LRBA: variants seen among roughly 807,000 people sequenced by gnomAD.
The protein encoded by LRBA is LPS responsive beige-like anchor protein.
A neutral mutation model predicts 330.0 loss-of-function variants in LRBA; 176 were observed. That is an observed-to-expected ratio of 0.53 (90% CI 0.47 to 0.60). The LOEUF (loss-of-function observed/expected upper bound fraction) is 0.60. Among genes scored for constraint, LRBA ranks in the 20% least tolerant of loss-of-function variants. LRBA has a pLI of 0.00. For synonymous variants in LRBA, 1,230 were observed against 1,193.0 expected (o/e 1.03, Z -0.64); for missense variants, 3,259 against 3,444.8 (o/e 0.95, Z 1.35).
intron 36 of LRBA, among the ~76,000 whole-genome samples, chr4:150,698,219 G>A (rs1306493311): frequency 1.3e-5 from 2 of 152,000 alleles, no homozygotes; most frequent in Non-Finnish European, 2.9e-5. Flanking sequence ...ACACTGTAAA[G>A]ATTTTTAATT....
At chr4:150,989,678 G>T (rs1038600994) in intron 2 of LRBA, among the ~76,000 whole-genome samples, 1 of 151,974 alleles carries the variant, frequency 6.6e-6, no homozygotes, top group Non-Finnish European at 1.5e-5. Flanking sequence ...AGAATCAAGA[G>T]GGTAAACTTA....
chr4:151,003,516 A>G lies in LRBA; in HGVS notation c.216+10911T>C, dbSNP rs1182664344. On this transcript the variant is annotated intron_variant, in intron 2 of 56. Transcript: ENST00000651943. ...GGTGTCACACTACTTGACAAGATGT[A>G]TATCACGTCTATCATAAAAGAAAAC... Among the ~76,000 whole-genome samples, 9 of 152,114 alleles carry G rather than the reference A, an allele frequency of 5.9e-5. No homozygotes were observed. The East Asian group carries it at 1.7e-3, about 29-fold the overall frequency.
At position 150,591,907 on chromosome 4, in the gene LRBA, G is replaced by A. The variant is rs191458440; in HGVS notation, c.6047-1048C>T. On this transcript the variant is annotated intron_variant, in intron 38 of 56. Coordinates refer to ENST00000651943, the MANE Select transcript of LRBA (RefSeq NM_001364905.1). ...CCCACATCCTTCCAGGGCTCCTCCT[G>A]TTGTTTTGAGCAGCTTTCTCCTTAC... is the stretch of plus-strand genomic sequence containing the variant. Among the ~76,000 whole-genome samples the A allele has an allele frequency of 3.3e-5, 5 of 152,244 alleles. No individual in the cohort carries two copies. The East Asian group carries it at 9.7e-4, about 30-fold the overall frequency.
chr4:150,648,782 G>A (rs1024735331), intron 37 of LRBA, among the ~76,000 whole-genome samples: 1 of 152,080 alleles, frequency 6.6e-6, no homozygotes, highest in Non-Finnish European at 1.5e-5. Context: ...ACAGAGCCAC[G>A]AGGCCTCTAT....
At chr4:150,897,087 G>C (rs1429256032) in intron 15 of LRBA, among the ~76,000 whole-genome samples, 1 of 151,216 alleles carries the variant, frequency 6.6e-6, no homozygotes, top group Admixed American at 6.6e-5. Context: ...CAATTCAAAG[G>C]ACACTTTTTT....
chr4:150,504,350 C>T (rs1332527381), intron 40 of LRBA, among the ~76,000 whole-genome samples: 1 of 152,158 alleles, frequency 6.6e-6, no homozygotes, highest in Non-Finnish European at 1.5e-5. Flanking sequence ...AGAGAAAGGT[C>T]GGGTTACCCA....
At chr4:150,708,576 T>G (rs1473300263) in intron 36 of LRBA, among the ~76,000 whole-genome samples, 1 of 151,854 alleles carries the variant, frequency 6.6e-6, no homozygotes, top group Admixed American at 6.6e-5. Flanking sequence ...TTCAATTTGT[T>G]TATACTGTTG....
rs996858998 is a variant in LRBA, at chr4:150,846,872, T to G, written c.4339+1946A>C. Among the ~76,000 whole-genome samples the G allele has an allele frequency of 2.0e-5, 3 of 152,170 alleles. No individual in the cohort carries two copies. The East Asian group carries it at 5.8e-4, about 29-fold the overall frequency. On this transcript the variant is annotated intron_variant, in intron 26 of 56. Coordinates refer to ENST00000651943, the MANE Select transcript of LRBA (RefSeq NM_001364905.1). ...GGGGTGGATTAAATTATCTCTTAAT[T>G]CTTTTCCGTGGCTATGAAAAACTAG... is the stretch of plus-strand genomic sequence containing the variant.
chr4:150,866,490 G>A (rs149964802), intron 22 of LRBA, among the ~76,000 whole-genome samples: 489 of 152,262 alleles, frequency 3.2e-3, no homozygotes, highest in Non-Finnish European at 5.0e-3. Flanking sequence ...GCCATACCAC[G>A]TGATTAGGTG....
intron 40 of LRBA, among the ~76,000 whole-genome samples, chr4:150,554,193 C>T (rs909517864): frequency 2.0e-5 from 3 of 152,102 alleles, no homozygotes; most frequent in African/African-American, 7.2e-5. Context: ...ACCAATTTTG[C>T]CAGGGTCTGA....
Position 150,321,471 on chromosome 4 carries a change from G to A in LRBA, c.7453-103C>T. 2 of 956,692 alleles carry A rather than the reference G, an allele frequency of 2.1e-6. No homozygotes were observed. The highest frequency in any genetic ancestry group is 3.0e-6 in the Non-Finnish European group (2 of 660,688). 59.3% of individuals were successfully genotyped at this position (956,692 alleles called of 1,614,324 possible). A position where few individuals can be genotyped will look rare whatever the true frequency, so the allele number is the denominator to read the frequency against. Reference sequence around the variant, plus strand: ...AGAGAGGGGGTGCAGGAAAAGAAGAGGAAGACCATATTAACATGAGTTGTA... The same window carrying A: ...AGAGAGGGGGTGCAGGAAAAGAAGAAGAAGACCATATTAACATGAGTTGTA... On this transcript the variant is annotated intron_variant, in intron 49 of 56. Coordinates refer to ENST00000651943, the MANE Select transcript of LRBA (RefSeq NM_001364905.1). This position sits in a 1 kb window ranked among gnomAD's most constrained non-coding sequence, Gnocchi z 4.5.
intron 40 of LRBA, among the ~76,000 whole-genome samples, chr4:150,558,424 A>C (rs756262558): frequency 6.6e-6 from 1 of 152,166 alleles, no homozygotes; most frequent in South Asian, 2.1e-4. Flanking sequence ...TAAGTTATTT[A>C]TTTTGTTGTT....
Position 150,973,140 on chromosome 4 carries a change from T to TTGTC in LRBA, c.216+41283_216+41286dup, listed in dbSNP as rs386357515. 5.4e-3 allele frequency among the ~76,000 whole-genome samples: 655 copies of TTGTC among 121,406 alleles called. 10 individuals are homozygous for TTGTC. Among genetic ancestry groups the TTGTC allele is most frequent in the Admixed American group, 0.034 (386 of 11,270 alleles). 79.6% of individuals were successfully genotyped at this position (121,406 alleles called of 152,430 possible). A position where few individuals can be genotyped will look rare whatever the true frequency, so the allele number is the denominator to read the frequency against. Reference sequence around the variant, plus strand: ...GTCTCTATTTTTAAAATTAAATATTTTGTCTGTCTGTTTGTTTGTTTGTTT... The same window carrying TTGTC: ...GTCTCTATTTTTAAAATTAAATATTTTGTCTGTCTGTCTGTTTGTTTGTTTGTTT... On this transcript the variant is annotated intron_variant, in intron 2 of 56. Coordinates refer to ENST00000651943, the MANE Select transcript of LRBA (RefSeq NM_001364905.1).
chr4:150,914,164 T>C (rs771080572), intron 9 of LRBA, 31 bp downstream of exon 9: 13 of 1,560,242 alleles, frequency 8.3e-6, no homozygotes, highest in African/African-American at 1.4e-5. Context: ...TGAACTAACA[T>C]TGGTTAAGCA....
At position 150,374,451 on chromosome 4, in the gene LRBA, G is replaced by A. The variant is rs754367679; in HGVS notation, c.7195-24292C>T. ...AGACCCACCTTGAACCCAGAGATGG[G>A]AGTCACATGTTATAGCTGGAAGATT... On this transcript the variant is annotated intron_variant, in intron 47 of 56. Coordinates refer to ENST00000651943, the MANE Select transcript of LRBA (RefSeq NM_001364905.1). Among the ~76,000 whole-genome samples the A allele has an allele frequency of 2.6e-5, 4 of 152,154 alleles. 1 individual carries two copies. Among genetic ancestry groups the A allele is most frequent in the African/African-American group, 4.8e-5 (2 of 41,426 alleles).
At chr4:150,954,575 G>A (rs1374788521) in intron 2 of LRBA, among the ~76,000 whole-genome samples, 6 of 150,180 alleles carry the variant, frequency 4.0e-5, no homozygotes, top group Non-Finnish European at 5.9e-5. Flanking sequence ...CAGCATACTC[G>A]TTAAGAGTCA....
chr4:150,726,863 G>A (rs1024670072), intron 36 of LRBA, among the ~76,000 whole-genome samples: 7 of 151,544 alleles, frequency 4.6e-5, no homozygotes, highest in African/African-American at 9.7e-5. Flanking sequence ...CAACACTGGA[G>A]CAACTAAATA....
At chr4:150,881,308 A>G (rs988788630) in intron 17 of LRBA, among the ~76,000 whole-genome samples, 2 of 152,240 alleles carry the variant, frequency 1.3e-5, no homozygotes, top group African/African-American at 4.8e-5. Context: ...AATGTAATAC[A>G]TATACACCAA....
chr4:150,658,098 G>A (rs1283067654), intron 37 of LRBA, among the ~76,000 whole-genome samples: 4 of 152,038 alleles, frequency 2.6e-5, no homozygotes, highest in African/African-American at 9.7e-5. Flanking sequence ...AGTCAAAGGA[G>A]ATAGCCTTTG....
Sources: allele counts gnomAD v4.1 joint callset (sites outside exome capture counted in the v4.1 genomes callset), GRCh38; gene constraint gnomAD v4.1.1; non-coding constraint Gnocchi (gnomAD v3.1); transcripts MANE v1.5; gene names NCBI Gene and HGNC (gene_info 2026-07-23, HGNC 2026-07-21).